The following PLCXD3 variants were observed in gnomAD, a reference collection of about 807,000 sequenced individuals.
PLCXD3 encodes the protein PI-PLC X domain-containing protein 3.
In PLCXD3, 19 loss-of-function variants were observed where a neutral mutation model predicts 25.5. The ratio of observed to expected loss-of-function variants is 0.75; its 90% CI spans 0.52 to 1.09. PLCXD3 has a LOEUF of 1.09. PLCXD3 is among the 50% of genes least tolerant of loss of function. PLCXD3 has a pLI of 0.00. For synonymous variants in PLCXD3, 174 were observed against 137.6 expected, an observed-to-expected ratio of 1.26 and a Z score of -1.85; for missense variants, 411 against 388.1, an observed-to-expected ratio of 1.06 and a Z score of -0.50.
rs941313574 is a variant in PLCXD3 at position 41,431,616 on chromosome 5, T to C, written c.104-49082A>G. Among the ~76,000 whole-genome samples the C allele has an allele frequency of 1.1e-4, 17 of 152,210 alleles. 1 individual carries two copies. The highest frequency in any genetic ancestry group is 4.1e-4 in the African/African-American group (17 of 41,458). On this transcript the variant is annotated intron_variant, in intron 1 of 2. Coordinates refer to ENST00000377801, the MANE Select transcript of PLCXD3 (RefSeq NM_001005473.3). ...TGCTTATGTATATATATCACCTTTT[T>C]GTTCTTCATTCAAAAATAAAAGTAG...
chr5:41,487,105 A>G (rs1347154309), intron 1 of PLCXD3, among the ~76,000 whole-genome samples: 2 of 152,236 alleles, frequency 1.3e-5, no homozygotes, highest in African/African-American at 2.4e-5. Context: ...ATTAGTAATC[A>G]TTAAGTATAT....
intron 2 of PLCXD3, among the ~76,000 whole-genome samples, chr5:41,341,022 T>C (rs1019499815): frequency 6.6e-6 from 1 of 152,174 alleles, no homozygotes; most frequent in African/African-American, 2.4e-5. Context: ...ATGTAAAAAA[T>C]GTTGCTGACA....
At chr5:41,351,035 T>G in intron 2 of PLCXD3, among the ~76,000 whole-genome samples, 1 of 152,222 alleles carries the variant, frequency 6.6e-6, no homozygotes. Context: ...GAGAAAGTAT[T>G]AAATTATGTT....
intron 1 of PLCXD3, among the ~76,000 whole-genome samples, chr5:41,488,903 TC>T (rs1238019670): frequency 6.6e-6 from 1 of 151,588 alleles, no homozygotes; most frequent in Non-Finnish European, 1.5e-5. Flanking sequence ...GATGGTAGTT[TC>T]TTTTGCTGTG....
chr5:41,475,101 G>A (rs960025234), intron 1 of PLCXD3, among the ~76,000 whole-genome samples: 1 of 152,046 alleles, frequency 6.6e-6, no homozygotes, highest in African/African-American at 2.4e-5. Flanking sequence ...CTCAAACCCT[G>A]AAATAGTAAC....
chr5:41,374,424 C>G (rs1053835937), intron 2 of PLCXD3, among the ~76,000 whole-genome samples: 2 of 152,098 alleles, frequency 1.3e-5, no homozygotes, highest in Admixed American at 1.3e-4. Flanking sequence ...CTGAATTGGT[C>G]CCGGCACTGG....
rs964256057 is a variant in PLCXD3, at chr5:41,319,450, G to A, written c.813-5680C>T. ...TGGGATATAACTAGAAATTAATGAT[G>A]AGAGGAATTTTGGGAGTTCTACAAC... On this transcript the variant is annotated intron_variant, in intron 2 of 2. Coordinates refer to ENST00000377801, the MANE Select transcript of PLCXD3 (RefSeq NM_001005473.3). Among the ~76,000 whole-genome samples, 4 of 152,240 alleles carry A rather than the reference G, an allele frequency of 2.6e-5. No individual in the cohort carries two copies. The South Asian group carries it at 8.3e-4, about 32-fold the overall frequency.
intron 2 of PLCXD3, among the ~76,000 whole-genome samples, chr5:41,320,153 G>C (rs73075974): frequency 6.6e-6 from 1 of 151,892 alleles, no homozygotes; most frequent in Non-Finnish European, 1.5e-5. Flanking sequence ...ACCTGATGGC[G>C]TCACTGCCTA....
chr5:41,387,274 G>T (rs1395241852), intron 1 of PLCXD3, among the ~76,000 whole-genome samples: 2 of 152,080 alleles, frequency 1.3e-5, no homozygotes, highest in Admixed American at 1.3e-4. Flanking sequence ...CCTCAAAAGA[G>T]ATCGCAGTCT....
At chr5:41,491,222 A>C (rs1748661686) in intron 1 of PLCXD3, among the ~76,000 whole-genome samples, 1 of 152,178 alleles carries the variant, frequency 6.6e-6, no homozygotes, top group African/African-American at 2.4e-5. Flanking sequence ...CAGGTTGTTC[A>C]GTTTCCATGT....
intron 2 of PLCXD3, among the ~76,000 whole-genome samples, chr5:41,368,016 T>C (rs750655828): frequency 3.3e-5 from 5 of 151,872 alleles, no homozygotes; most frequent in African/African-American, 9.7e-5. Flanking sequence ...TTTTTGGGAA[T>C]GGGAATAACT....
chr5:41,375,924 C>T (rs548477852), intron 2 of PLCXD3, among the ~76,000 whole-genome samples: 11 of 152,156 alleles, frequency 7.2e-5, no homozygotes, highest in Admixed American at 3.9e-4. Context: ...AGGTATTAGA[C>T]ATCTCTCAGC....
intron 1 of PLCXD3, among the ~76,000 whole-genome samples, chr5:41,489,406 G>A (rs971989347): frequency 9.6e-4 from 146 of 151,934 alleles, no homozygotes; most frequent in Admixed American, 2.4e-3. Context: ...TTGACTTGGC[G>A]ATGCGGGCTC....
At chr5:41,426,723 T>G (rs1746964128) in intron 1 of PLCXD3, among the ~76,000 whole-genome samples, 1 of 152,124 alleles carries the variant, frequency 6.6e-6, no homozygotes, top group Non-Finnish European at 1.5e-5. Flanking sequence ...TAGATTTACA[T>G]ACATATTTAT....
chr5:41,509,732 A>G (rs907243531), intron 1 of PLCXD3, among the ~76,000 whole-genome samples: 1 of 152,182 alleles, frequency 6.6e-6, no homozygotes, highest in African/African-American at 2.4e-5. Flanking sequence ...ACCTGGGCGA[A>G]GTGTGTTGCC....
chr5:41,353,022 C>A (rs1230396217), intron 2 of PLCXD3, among the ~76,000 whole-genome samples: 1 of 151,980 alleles, frequency 6.6e-6, no homozygotes, highest in Admixed American at 6.5e-5. Flanking sequence ...TTTGAATAAT[C>A]CTCATGGCAC....
At chr5:41,477,256 T>C (rs1748302225) in intron 1 of PLCXD3, among the ~76,000 whole-genome samples, 1 of 152,182 alleles carries the variant, frequency 6.6e-6, no homozygotes, top group Non-Finnish European at 1.5e-5. Context: ...GTCATTGTAG[T>C]TTCTATAATA....
chr5:41,361,977 A>G (rs1744792697), intron 2 of PLCXD3, among the ~76,000 whole-genome samples: 1 of 152,204 alleles, frequency 6.6e-6, no homozygotes, highest in Non-Finnish European at 1.5e-5. Flanking sequence ...GCTTACTTTC[A>G]TGTTAGCCTG....
chr5:41,337,247 C>A (rs1744013114), intron 2 of PLCXD3, among the ~76,000 whole-genome samples: 1 of 152,046 alleles, frequency 6.6e-6, no homozygotes, highest in Non-Finnish European at 1.5e-5. Context: ...TTGTCAGTGA[C>A]CACAGAGTCT....
Sources: allele counts gnomAD v4.1 joint callset (sites outside exome capture counted in the v4.1 genomes callset), GRCh38; gene constraint gnomAD v4.1.1; transcripts MANE v1.5; gene names NCBI Gene and HGNC (gene_info 2026-07-23, HGNC 2026-07-21).